The following YAF2 variants were observed in gnomAD, a reference collection of about 807,000 sequenced individuals.
YAF2 encodes the protein YY1 associated factor 2, also known as YY1-associated factor 2.
A neutral mutation model predicts 20.1 loss-of-function variants in YAF2; 7 were observed. The ratio of observed to expected loss-of-function variants is 0.35; its 90% CI spans 0.20 to 0.65. YAF2 has a LOEUF of 0.65. Ranked by LOEUF, YAF2 falls within the 30% of genes least tolerant of loss-of-function variation. YAF2 has a pLI of 0.69. For missense variants in YAF2, 151 were observed against 219.2 expected, an observed-to-expected ratio of 0.69 and a Z score of 1.96; for synonymous variants, 74 against 76.0, an observed-to-expected ratio of 0.97 and a Z score of 0.14.
At chr12:42,237,543 G>A (rs1275466185) in intron 2 of YAF2, 56 bp downstream of exon 2, 4 of 1,463,370 alleles carry the variant, frequency 2.7e-6, no homozygotes, top group African/African-American at 1.5e-5. Context: ...CCGCAAGGGC[G>A]TCCTCTGGTC....
chr12:42,196,797 A>G (rs569073716), intron 2 of YAF2, among the ~76,000 whole-genome samples: 1 of 152,222 alleles, frequency 6.6e-6, no homozygotes, highest in Non-Finnish European at 1.5e-5. Flanking sequence ...TCTTTGAAAC[A>G]TGGTGCAGGC....
intron 2 of YAF2, among the ~76,000 whole-genome samples, chr12:42,188,582 G>A (rs903029017): frequency 1.2e-4 from 18 of 151,540 alleles, no homozygotes; most frequent in African/African-American, 4.4e-4. Context: ...ACAGGGTTTC[G>A]CCATGTTTGC....
At chr12:42,167,101 G>C (rs2136974788) in intron 2 of YAF2, among the ~76,000 whole-genome samples, 1 of 151,168 alleles carries the variant, frequency 6.6e-6, no homozygotes, top group South Asian at 2.1e-4. Flanking sequence ...AGAACACATG[G>C]ACACAGGGAG....
intron 2 of YAF2, among the ~76,000 whole-genome samples, chr12:42,212,069 T>C (rs1048476588): frequency 1.3e-5 from 2 of 152,126 alleles, no homozygotes; most frequent in East Asian, 1.9e-4. Flanking sequence ...TTGTCACCTA[T>C]TGACACACCA....
At chr12:42,174,156 A>G (rs977121512) in intron 2 of YAF2, among the ~76,000 whole-genome samples, 5 of 151,118 alleles carry the variant, frequency 3.3e-5, no homozygotes, top group African/African-American at 1.2e-4. Flanking sequence ...CCACTGCCCC[A>G]TTTGTTTTCT....
At chr12:42,194,721 TAATA>T (rs892293176) in intron 2 of YAF2, among the ~76,000 whole-genome samples, 4 of 152,238 alleles carry the variant, frequency 2.6e-5, no homozygotes, top group African/African-American at 9.6e-5. Flanking sequence ...CTCACTCACT[TAATA>T]AACATTTACT....
intron 2 of YAF2, chr12:42,235,915 C>T: frequency 6.5e-7 from 1 of 1,536,100 alleles, no homozygotes; most frequent in South Asian, 1.2e-5. Context: ...GAGCTGCCAC[C>T]ACCTACTCTA....
chr12:42,179,621 T>A (rs1032250558), intron 2 of YAF2, among the ~76,000 whole-genome samples: 1 of 151,804 alleles, frequency 6.6e-6, no homozygotes, highest in Non-Finnish European at 1.5e-5. Context: ...AAACCCCATC[T>A]CTACAAAAAA....
At chr12:42,222,868 G>A (rs1401649276) in intron 2 of YAF2, among the ~76,000 whole-genome samples, 2 of 151,794 alleles carry the variant, frequency 1.3e-5, no homozygotes, top group Admixed American at 1.3e-4. Context: ...CACACAGTAA[G>A]TGCTCTGTAA....
intron 2 of YAF2, among the ~76,000 whole-genome samples, chr12:42,226,965 G>A (rs1472874184): frequency 3.4e-5 from 5 of 149,128 alleles, no homozygotes; most frequent in South Asian, 2.1e-4. Context: ...GCTGCGCTGC[G>A]GCCCGGGGCA....
intron 2 of YAF2, among the ~76,000 whole-genome samples, chr12:42,228,176 C>T (rs1206048115): frequency 2.2e-5 from 2 of 92,094 alleles, no homozygotes; most frequent in African/African-American, 4.4e-5. Context: ...CCCGGCCAGC[C>T]GCCCCGTCCG....
intron 2 of YAF2, among the ~76,000 whole-genome samples, chr12:42,182,412 A>T (rs556566923): frequency 6.6e-6 from 1 of 152,230 alleles, no homozygotes; most frequent in Non-Finnish European, 1.5e-5. Context: ...AATTACAGAC[A>T]ATCTATTTGA....
chr12:42,227,502 G>A (rs1168800140), intron 2 of YAF2, among the ~76,000 whole-genome samples: 1 of 142,996 alleles, frequency 7.0e-6, no homozygotes, highest in Non-Finnish European at 1.5e-5. Context: ...CCCCATCTGG[G>A]ATGTGAGGAG....
rs1269693895 is a variant in YAF2 at position 42,160,460 on chromosome 12, A to G, written c.*129T>C. The G allele has an allele frequency of 1.3e-5, 9 of 719,336 alleles. No individual in the cohort carries two copies. Among genetic ancestry groups the G allele is most frequent in the Admixed American group, 2.9e-5 (1 of 34,214 alleles). The allele number at this position is 719,336 out of a possible 1,614,324, so 44.6% of individuals were successfully genotyped here. A position where few individuals can be genotyped will look rare whatever the true frequency, so the allele number is the denominator to read the frequency against. ...ATCTAACAAATTCTAACAAATTTCT[A>G]TTTTATGTAAAACTCAAATTATGGA... is the stretch of plus-strand genomic sequence containing the variant. On this transcript the variant is annotated 3_prime_UTR_variant, in exon 4 of 4. Coordinates refer to ENST00000534854, the MANE Select transcript of YAF2 (RefSeq NM_005748.6).
rs952547437 is a variant in YAF2 at position 42,162,057 on chromosome 12, CA to C, written c.153-293del. On this transcript the variant is annotated intron_variant, in intron 2 of 3. Coordinates refer to ENST00000534854, the MANE Select transcript of YAF2 (RefSeq NM_005748.6). ...ATAAGAAATTATTTTAAATGTATAT[CA>C]AAAAAAATGGGATGTACCCATATAA... Among the ~76,000 whole-genome samples the C allele has an allele frequency of 8.6e-5, 13 of 151,454 alleles. No homozygotes were observed. The East Asian group carries it at 1.2e-3, about 14-fold the overall frequency.
At chr12:42,209,727 A>C (rs1204888115) in intron 2 of YAF2, among the ~76,000 whole-genome samples, 2 of 152,366 alleles carry the variant, frequency 1.3e-5, no homozygotes, top group African/African-American at 4.8e-5. Context: ...AGAAATGTAC[A>C]CAAGAATTCA....
chr12:42,166,014 C>T (rs1008995478), intron 2 of YAF2, among the ~76,000 whole-genome samples: 1 of 151,762 alleles, frequency 6.6e-6, no homozygotes, highest in Non-Finnish European at 1.5e-5. Flanking sequence ...AGCCTCCTAG[C>T]TTCAAGCGAT....
intron 2 of YAF2, among the ~76,000 whole-genome samples, chr12:42,227,476 C>T (rs771039): frequency 3.8e-5 from 5 of 132,012 alleles, no homozygotes; most frequent in African/African-American, 6.1e-5. Flanking sequence ...ATGTGGGGAG[C>T]GCCTCTGCCC....
At chr12:42,162,075 C>A (rs943657284) in intron 2 of YAF2, among the ~76,000 whole-genome samples, 1 of 151,920 alleles carries the variant, frequency 6.6e-6, no homozygotes, top group Admixed American at 6.6e-5. Flanking sequence ...ATGGGATGTA[C>A]CCATATAAAC....
Sources: gnomAD v4.1 joint callset for allele counts (sites outside exome capture counted in the v4.1 genomes callset) on GRCh38, gnomAD v4.1.1 for gene constraint, MANE v1.5 for transcripts, NCBI Gene and HGNC (gene_info 2026-07-23, HGNC 2026-07-21) for gene names.